DDX10: variants seen among roughly 807,000 people sequenced by gnomAD.
DDX10 encodes the protein DEAD-box helicase 10, also known as probable ATP-dependent RNA helicase DDX10.
In DDX10, 74 loss-of-function variants were observed where a neutral mutation model predicts 104.3. The ratio of observed to expected loss-of-function variants is 0.71; its 90% CI spans 0.59 to 0.86. DDX10 has a LOEUF of 0.86. DDX10 is among the 40% of genes least tolerant of loss of function. The pLI is 0.00. For missense variants in DDX10, 952 were observed against 1,040.0 expected (o/e 0.92, Z 1.16); for synonymous variants, 351 against 353.4 (o/e 0.99, Z 0.08).
chr11:108,767,267 C>T (rs1488532072), intron 13 of DDX10: 6 of 152,174 alleles, frequency 3.9e-5, no homozygotes, highest in Non-Finnish European at 8.8e-5. Flanking sequence ...TATAAAAGTG[C>T]ATCTGTGCTA....
chr11:108,927,813 T>A (rs755149294), intron 17 of DDX10, among the ~76,000 whole-genome samples: 2 of 152,176 alleles, frequency 1.3e-5, no homozygotes, highest in African/African-American at 4.8e-5. Flanking sequence ...AATTTTTTTG[T>A]ATTTTTAGTA....
At chr11:108,930,480 A>G (rs1863962346) in intron 17 of DDX10, among the ~76,000 whole-genome samples, 1 of 152,170 alleles carries the variant, frequency 6.6e-6, no homozygotes, top group South Asian at 2.1e-4. Context: ...TTGTGTGGTA[A>G]TAAGTTTTCA....
chr11:108,759,669 A>G (rs1049998110), intron 13 of DDX10, among the ~76,000 whole-genome samples: 12 of 151,994 alleles, frequency 7.9e-5, no homozygotes, highest in Non-Finnish European at 1.8e-4. Flanking sequence ...GAACTTGACA[A>G]ATGCTAAAAT....
intron 13 of DDX10, among the ~76,000 whole-genome samples, chr11:108,791,650 A>G (rs558914211): frequency 2.6e-5 from 4 of 152,318 alleles, no homozygotes; most frequent in African/African-American, 7.2e-5. Context: ...CAACTGACAG[A>G]AAGCTAATGT....
At chr11:108,676,420 A>G (rs1236627890) in intron 3 of DDX10, among the ~76,000 whole-genome samples, 1 of 152,162 alleles carries the variant, frequency 6.6e-6, no homozygotes, top group Non-Finnish European at 1.5e-5. Flanking sequence ...TAACTACAGC[A>G]GCTACATGGG....
intron 6 of DDX10, among the ~76,000 whole-genome samples, chr11:108,688,643 G>A (rs1466943020): frequency 1.3e-5 from 2 of 152,158 alleles, no homozygotes; most frequent in Admixed American, 1.3e-4. Flanking sequence ...AGCCCAGCAA[G>A]TTCTCTTACA....
At chr11:108,712,694 G>A (rs1461898467) in intron 10 of DDX10, among the ~76,000 whole-genome samples, 2 of 151,818 alleles carry the variant, frequency 1.3e-5, no homozygotes, top group Non-Finnish European at 2.9e-5. Flanking sequence ...ACACGCTGGG[G>A]CTATTAATTT....
intron 6 of DDX10, among the ~76,000 whole-genome samples, chr11:108,681,386 C>CA (rs1415707836): frequency 1.3e-5 from 2 of 152,072 alleles, no homozygotes; most frequent in African/African-American, 2.4e-5. Flanking sequence ...ACATAATTTA[C>CA]AAAACCTCAG....
Position 108,748,439 on chromosome 11 carries a change from G to A in DDX10, c.1965+24977G>A, listed in dbSNP as rs527846327. 2.6e-5 allele frequency among the ~76,000 whole-genome samples: 4 copies of A among 152,272 alleles called. No homozygotes were observed. The South Asian group carries it at 8.3e-4, about 32-fold the overall frequency. On this transcript the variant is annotated intron_variant, in intron 13 of 17. Transcript: ENST00000322536. ...CACTGTCAACCATCCTGGCCAAAAT[G>A]TTATTGTAGAGCACCATATCCAACA...
At chr11:108,911,075 TC>T (rs1160348071) in intron 16 of DDX10, among the ~76,000 whole-genome samples, 1 of 152,150 alleles carries the variant, frequency 6.6e-6, no homozygotes, top group African/African-American at 2.4e-5. Flanking sequence ...GATTGACTGC[TC>T]CCCAGAAATA....
rs538790354 is a variant in DDX10, at chr11:108,719,723, AATTTTC to A, written c.1411-73_1411-68del. 161 of 855,870 alleles carry A rather than the reference AATTTTC, an allele frequency of 1.9e-4. 1 individual carries two copies. In the East Asian group the frequency reaches 4.1e-3, roughly 22 times the overall value. 53.0% of individuals were successfully genotyped at this position (855,870 alleles called of 1,614,324 possible). A position where few individuals can be genotyped will look rare whatever the true frequency, so the allele number is the denominator to read the frequency against. ...TACTATTGAATTTATCCCATTGGCT[AATTTTC>A]TTATATTTTGGTCTAAACTCATTTT... On this transcript the variant is annotated intron_variant, in intron 11 of 17. Transcript: ENST00000322536.
chr11:108,840,459 G>A (rs550734323), intron 14 of DDX10, among the ~76,000 whole-genome samples: 3 of 152,250 alleles, frequency 2.0e-5, no homozygotes, highest in Non-Finnish European at 2.9e-5. Flanking sequence ...GAGTTTTGTG[G>A]TGTTAGACTT....
intron 13 of DDX10, among the ~76,000 whole-genome samples, chr11:108,791,123 T>C (rs1201068784): frequency 1.3e-5 from 2 of 152,214 alleles, no homozygotes; most frequent in Non-Finnish European, 2.9e-5. Context: ...GACTGAGTCA[T>C]AAAAAGTGTC....
At chr11:108,776,354 A>T (rs1014915881) in intron 13 of DDX10, among the ~76,000 whole-genome samples, 4 of 152,142 alleles carry the variant, frequency 2.6e-5, no homozygotes, top group African/African-American at 9.7e-5. Context: ...CAGATATCTG[A>T]GGTACCCTTT....
intron 13 of DDX10, among the ~76,000 whole-genome samples, chr11:108,795,562 G>T (rs1303348867): frequency 7.2e-6 from 1 of 139,088 alleles, no homozygotes; most frequent in Non-Finnish European, 1.5e-5. Flanking sequence ...TCATTGTTCA[G>T]TTCCCACCTA....
intron 13 of DDX10, among the ~76,000 whole-genome samples, chr11:108,788,209 G>A (rs938761539): frequency 2.0e-5 from 3 of 152,140 alleles, no homozygotes; most frequent in African/African-American, 7.2e-5. Context: ...TTTTTGAGTT[G>A]CCAGAGTTCT....
chr11:108,923,109 AATAG>A (rs1318056475), intron 17 of DDX10, among the ~76,000 whole-genome samples: 1 of 152,198 alleles, frequency 6.6e-6, no homozygotes, highest in Non-Finnish European at 1.5e-5. Context: ...AGGTAGAATT[AATAG>A]ATGTTAGGAT....
intron 17 of DDX10, among the ~76,000 whole-genome samples, chr11:108,928,706 CAA>C (rs1286084167): frequency 6.6e-6 from 1 of 152,058 alleles, no homozygotes; most frequent in East Asian, 1.9e-4. Context: ...TTTTACCTTG[CAA>C]AGTTACTGTG....
chr11:108,939,380 C>G (rs561195529), intron 17 of DDX10, among the ~76,000 whole-genome samples: 8 of 152,192 alleles, frequency 5.3e-5, no homozygotes, highest in Non-Finnish European at 1.2e-4. Context: ...GACTAATGCA[C>G]TCCACACTGA....
Sources: gnomAD v4.1 joint callset for allele counts (sites outside exome capture counted in the v4.1 genomes callset) on GRCh38, gnomAD v4.1.1 for gene constraint, MANE v1.5 for transcripts, NCBI Gene and HGNC (gene_info 2026-07-23, HGNC 2026-07-21) for gene names.